The following MAPRE2 variants were observed in gnomAD, a reference collection of about 807,000 sequenced individuals.
MAPRE2 encodes the protein microtubule associated protein RP/EB family member 2.
MAPRE2 carries 13 observed loss-of-function variants against 43.2 expected under a neutral mutation model. That is an observed-to-expected ratio of 0.30 (90% CI 0.20 to 0.48). The LOEUF (loss-of-function observed/expected upper bound fraction) is 0.48. Among genes scored for constraint, MAPRE2 ranks in the 20% least tolerant of loss-of-function variants. MAPRE2 has a pLI of 0.99. For missense variants in MAPRE2, 161 were observed against 400.2 expected (o/e 0.40, Z 5.10); for synonymous variants, 135 against 148.8 (o/e 0.91, Z 0.68).
At chr18:35,072,116 T>C (rs1184948913) in intron 2 of MAPRE2, among the ~76,000 whole-genome samples, 1 of 152,246 alleles carries the variant, frequency 6.6e-6, no homozygotes, top group Non-Finnish European at 1.5e-5. Context: ...ACCCAAATAT[T>C]ACTGTGCTGT....
chr18:35,026,036 A>G (rs890194705), intron 2 of MAPRE2, among the ~76,000 whole-genome samples: 1 of 152,182 alleles, frequency 6.6e-6, no homozygotes, highest in Non-Finnish European at 1.5e-5. Context: ...AAGACTTCTA[A>G]AAATGAAAGG....
chr18:34,997,643 C>T (rs983470743), intron 1 of MAPRE2, among the ~76,000 whole-genome samples: 4 of 152,126 alleles, frequency 2.6e-5, no homozygotes, highest in African/African-American at 9.7e-5. Flanking sequence ...TGGTGAAACC[C>T]CGTCTCTACT....
chr18:35,047,942 G>A (rs1178505505), intron 1 of MAPRE2, among the ~76,000 whole-genome samples: 7 of 152,132 alleles, frequency 4.6e-5, no homozygotes, highest in Non-Finnish European at 2.9e-5. Flanking sequence ...AACTTTCTGT[G>A]ATTTCTAGGC....
intron 1 of MAPRE2, among the ~76,000 whole-genome samples, chr18:35,057,628 T>TA (rs557071221): frequency 6.6e-6 from 1 of 152,110 alleles, no homozygotes; most frequent in Non-Finnish European, 1.5e-5. Context: ...TTTATTGATT[T>TA]AAAAAATTCT....
At chr18:35,040,208 A>C (rs550817581), upstream of MAPRE2, among the ~76,000 whole-genome samples, 1 of 152,296 alleles carries the variant, frequency 6.6e-6, no homozygotes, top group Non-Finnish European at 1.5e-5. Context: ...GCCTCTAAAA[A>C]ATAATAATAA....
At chr18:34,980,829 A>T (rs1183862041) in intron 1 of MAPRE2, among the ~76,000 whole-genome samples, 1 of 152,144 alleles carries the variant, frequency 6.6e-6, no homozygotes, top group African/African-American at 2.4e-5. Flanking sequence ...GAGCTAGGAG[A>T]AACATTGTAG....
At chr18:34,998,772 ATTTTTT>A (rs67933808) in intron 1 of MAPRE2, among the ~76,000 whole-genome samples, 15 of 93,728 alleles carry the variant, frequency 1.6e-4, no homozygotes, top group African/African-American at 6.0e-4. Context: ...CGAAGTTGCA[ATTTTTT>A]TTTTTTTTTT....
intron 2 of MAPRE2, among the ~76,000 whole-genome samples, chr18:35,018,363 T>C (rs1187301683): frequency 6.6e-6 from 1 of 152,034 alleles, no homozygotes; most frequent in Non-Finnish European, 1.5e-5. Flanking sequence ...TTTTTAAAAA[T>C]ACTTTCAGCA....
intron 2 of MAPRE2, among the ~76,000 whole-genome samples, chr18:35,090,672 C>T (rs1421556113): frequency 6.8e-6 from 1 of 146,024 alleles, no homozygotes; most frequent in East Asian, 2.0e-4. Flanking sequence ...GCAGAGGTTG[C>T]AGTGAGCCAA....
chr18:35,070,481 G>A (rs758715070), intron 2 of MAPRE2, 159 bp downstream of exon 2: 12 of 533,094 alleles, frequency 2.3e-5, no homozygotes, highest in Admixed American at 8.3e-5. Flanking sequence ...ACTAAAGGAC[G>A]TATTGGGAAA....
intron 4 of MAPRE2, among the ~76,000 whole-genome samples, chr18:35,121,578 G>A (rs955615085): frequency 1.3e-5 from 2 of 151,918 alleles, no homozygotes; most frequent in African/African-American, 2.4e-5. Context: ...TATGTTCTCA[G>A]GACATCCTCA....
At chr18:35,126,879 C>A (rs1350864044) in intron 4 of MAPRE2, 69 bp from the exon 5 acceptor site, 2 of 1,370,448 alleles carry the variant, frequency 1.5e-6, no homozygotes, top group Admixed American at 1.9e-5. Flanking sequence ...TCATATCATT[C>A]ATTTTCTATG....
chr18:35,075,354 G>C (rs1039906573), intron 2 of MAPRE2, among the ~76,000 whole-genome samples: 1 of 152,146 alleles, frequency 6.6e-6, no homozygotes, highest in Non-Finnish European at 1.5e-5. Flanking sequence ...CCAGCCTCGT[G>C]TGTTGTCCCT....
chr18:34,999,248 A>G (rs952921677), intron 1 of MAPRE2, among the ~76,000 whole-genome samples: 2 of 152,198 alleles, frequency 1.3e-5, no homozygotes, highest in African/African-American at 2.4e-5. Context: ...AAATGGATAA[A>G]AGGATAAGTG....
intron 2 of MAPRE2, among the ~76,000 whole-genome samples, chr18:35,090,918 A>C (rs957408804): frequency 6.6e-6 from 1 of 152,166 alleles, no homozygotes; most frequent in Non-Finnish European, 1.5e-5. Flanking sequence ...CTGTATGCTG[A>C]TACCAAACTA....
chr18:35,054,325 C>A (rs2150607864), intron 1 of MAPRE2, among the ~76,000 whole-genome samples: 1 of 152,314 alleles, frequency 6.6e-6, no homozygotes, highest in East Asian at 1.9e-4. Flanking sequence ...AAGCCAGTTT[C>A]TTAACTACAT....
intron 2 of MAPRE2, among the ~76,000 whole-genome samples, chr18:35,014,757 C>T (rs934975444): frequency 6.6e-6 from 1 of 152,044 alleles, no homozygotes; most frequent in Non-Finnish European, 1.5e-5. Context: ...GATGGTGTTA[C>T]ATCCCCCCTC....
At chr18:35,066,835 C>T (rs2150620270) in intron 1 of MAPRE2, among the ~76,000 whole-genome samples, 1 of 152,204 alleles carries the variant, frequency 6.6e-6, no homozygotes, top group East Asian at 1.9e-4. Context: ...AAGACAGCCA[C>T]AGAGTGAAGT....
chr18:34,995,205 A>G (rs1284639007), intron 1 of MAPRE2, among the ~76,000 whole-genome samples: 1 of 152,166 alleles, frequency 6.6e-6, no homozygotes, highest in Non-Finnish European at 1.5e-5. Context: ...ATTCATTTTG[A>G]GCCTGACACT....
Sources: allele counts gnomAD v4.1 joint callset (sites outside exome capture counted in the v4.1 genomes callset), GRCh38; gene constraint gnomAD v4.1.1; transcripts MANE v1.5; gene names NCBI Gene and HGNC (gene_info 2026-07-23, HGNC 2026-07-21).